PLBD1: variants seen among roughly 807,000 people sequenced by gnomAD.
PLBD1 encodes the protein lysosomal leucine aminopeptidase.
In PLBD1, 60 loss-of-function variants were observed where a neutral mutation model predicts 63.0. The observed-to-expected ratio is 0.95, with a 90% confidence interval of 0.77 to 1.18. The LOEUF is 1.18. PLBD1 is among the 50% of genes most tolerant of loss of function. The pLI, the probability that PLBD1 is intolerant of heterozygous loss-of-function variation, is 0.00. For synonymous variants in PLBD1, 262 were observed against 248.0 expected (o/e 1.06, Z -0.53); for missense variants, 598 against 677.9 (o/e 0.88, Z 1.31).
chr12:14,503,979 T>C, intron 10 of PLBD1, 25 bp from the exon 11 acceptor site: 3 of 1,572,734 alleles, frequency 1.9e-6, no homozygotes, highest in Non-Finnish European at 2.6e-6. Flanking sequence ...GAGGAGGACA[T>C]TTTAGAAAAT....
rs758177456 is a variant in PLBD1 at position 14,511,613 on chromosome 12, C to T, written c.943G>A (p.Val315Ile). 1 of 1,614,088 alleles carries T rather than the reference C, an allele frequency of 6.2e-7. No individual in the cohort carries two copies. The highest frequency in any genetic ancestry group is 1.3e-5 in the African/African-American group (1 of 74,934). Residue 315 changes from valine to isoleucine, a missense_variant, in exon 7 of 11, where the codon GTA (valine) becomes ATA (isoleucine). Val to Ile is a conservative substitution (Grantham distance 29). Transcript: ENST00000240617. The stretch of plus-strand genomic sequence containing the variant: ...CAGGACAGGAGAGTCTCGGGTATTA[C>T]CTGCTTTAGCAGGGTTTTATTAAAC... ...SVFNKTLLKQ[V>I]IPETLLSWQR...
At chr12:14,512,928 G>C (rs1945309806) in intron 6 of PLBD1, among the ~76,000 whole-genome samples, 2 of 152,062 alleles carry the variant, frequency 1.3e-5, no homozygotes, top group Admixed American at 1.3e-4. Flanking sequence ...CTTCATCTTG[G>C]GCTTCCCAGC....
At chr12:14,519,938 T>C (rs1945363201) in intron 6 of PLBD1, among the ~76,000 whole-genome samples, 2 of 152,106 alleles carry the variant, frequency 1.3e-5, no homozygotes, top group Admixed American at 1.3e-4. Context: ...GCTGAGAATT[T>C]AAGAGGAAAA....
intron 5 of PLBD1, among the ~76,000 whole-genome samples, chr12:14,536,278 A>G (rs71459160): frequency 0.25 from 38,400 of 152,154 alleles, 5,543 homozygotes; most frequent in Admixed American, 0.33. Flanking sequence ...CAGCCTGGGC[A>G]ACAAAGTGAG....
rs1200970956 is a variant in PLBD1 at position 14,506,947 on chromosome 12, A to C, written c.1358T>G (p.Ile453Ser). The change falls in exon 9 of 11, where the codon ATC becomes AGC. Residue 453 changes from isoleucine to serine, a missense_variant. Coordinates refer to ENST00000240617, the MANE Select transcript of PLBD1 (RefSeq NM_024829.6). ...KVTDTASMKY[I>S]MRYNNYKKDP... ...ATGCTACGTACTGTTGTATCGCATG[A>C]TATATTTCATGGATGCCGTATCAGT... The C allele has an allele frequency of 6.2e-7, 1 of 1,614,066 alleles. No individual in the cohort carries two copies. The highest frequency in any genetic ancestry group is 1.1e-5 in the South Asian group (1 of 91,068).
At chr12:14,513,554 G>A (rs1270949048) in intron 6 of PLBD1, among the ~76,000 whole-genome samples, 16 of 152,184 alleles carry the variant, frequency 1.1e-4, no homozygotes, top group Non-Finnish European at 2.4e-4. Context: ...CCTGAAACCG[G>A]AGGTAAGAGC....
rs763659244 is a variant in PLBD1, at chr12:14,567,684, C to A, written c.13G>T (p.Gly5Cys). The change falls in exon 1 of 11, where the codon GGT becomes TGT. Residue 5 changes from glycine to cysteine, a missense_variant. Physicochemically the swap from Gly to Cys is radical, Grantham distance 159. Coordinates refer to ENST00000240617, the MANE Select transcript of PLBD1 (RefSeq NM_024829.6). MTRGGPGGRPGLPQP... is the reference protein window; with the variant it reads MTRGCPGGRPGLPQP... ...GGCAGCCCCGGGCGCCCGCCCGGAC[C>A]GCCGCGGGTCATCGCTCCACGGCCG... 347 of 1,462,820 alleles carry A rather than the reference C, an allele frequency of 2.4e-4. No homozygotes were observed. The highest frequency in any genetic ancestry group is 3.0e-4 in the Non-Finnish European group (331 of 1,118,566). The allele number at this position is 1,462,820 out of a possible 1,614,324, so 90.6% of individuals were successfully genotyped here. A position where few individuals can be genotyped will look rare whatever the true frequency, so the allele number is the denominator to read the frequency against.
chr12:14,537,135 A>AT lies in PLBD1; in HGVS notation c.559-426dup, dbSNP rs569848972. 4.2e-3 allele frequency among the ~76,000 whole-genome samples: 636 copies of AT among 152,062 alleles called. 1 individual carries two copies. The highest frequency in any genetic ancestry group is 0.014 in the African/African-American group (593 of 41,474). Reference sequence around the variant, plus strand: ...GTTATTTATTTTCGAAGAGTCTCTAATTTAACAGGTACGCTAGATTTTTAT... The same window carrying AT: ...GTTATTTATTTTCGAAGAGTCTCTAATTTTAACAGGTACGCTAGATTTTTAT... On this transcript the variant is annotated intron_variant, in intron 4 of 10. Coordinates refer to ENST00000240617, the MANE Select transcript of PLBD1 (RefSeq NM_024829.6).
chr12:14,544,729 A>G (rs997275306), intron 2 of PLBD1, among the ~76,000 whole-genome samples: 5 of 152,032 alleles, frequency 3.3e-5, no homozygotes, highest in African/African-American at 1.2e-4. Context: ...GGGTTTGTCT[A>G]TGTATTGAGA....
chr12:14,540,053 T>TACACACACAC (rs1295213414), intron 4 of PLBD1, among the ~76,000 whole-genome samples: 1,881 of 86,910 alleles, frequency 0.022, 59 homozygotes, highest in Non-Finnish European at 0.028. Context: ...TATATATATA[T>TACACACACAC]ACACACACAC....
chr12:14,540,338 TC>T (rs1401116390), intron 4 of PLBD1, among the ~76,000 whole-genome samples: 1 of 151,664 alleles, frequency 6.6e-6, no homozygotes, highest in Non-Finnish European at 1.5e-5. Flanking sequence ...AGTAAAGCTT[TC>T]CCCCAGAATT....
chr12:14,526,594 G>A (rs1002808440), intron 6 of PLBD1, among the ~76,000 whole-genome samples: 3 of 152,188 alleles, frequency 2.0e-5, no homozygotes, highest in African/African-American at 7.2e-5. Flanking sequence ...CTGTATGTAT[G>A]CATTGGTAAT....
chr12:14,567,472 A>G, intron 1 of PLBD1, 110 bp downstream of exon 1: 3 of 1,355,940 alleles, frequency 2.2e-6, no homozygotes, highest in Middle Eastern at 2.7e-4. Context: ...GAGTTCACCC[A>G]GGAACCAGAC....
chr12:14,567,830 T>C lies in PLBD1; in HGVS notation c.-134A>G, dbSNP rs1945808069. The C allele has an allele frequency of 8.1e-7, 1 of 1,232,428 alleles. No individual in the cohort carries two copies. The highest frequency in any genetic ancestry group is 3.2e-5 in the East Asian group (1 of 31,256). 76.3% of individuals were successfully genotyped at this position (1,232,428 alleles called of 1,614,324 possible). A position where few individuals can be genotyped will look rare whatever the true frequency, so the allele number is the denominator to read the frequency against. The stretch of plus-strand genomic sequence containing the variant: ...AGGTGGGGCGTCCTCAACTTTCCTC[T>C]TTCTTGAGCCCGGCCTGCTCCGGGC... On this transcript the variant is annotated 5_prime_UTR_variant, in exon 1 of 11. Coordinates refer to ENST00000240617, the MANE Select transcript of PLBD1 (RefSeq NM_024829.6).
intron 10 of PLBD1, among the ~76,000 whole-genome samples, chr12:14,504,787 A>G (rs1479297037): frequency 6.6e-6 from 1 of 152,242 alleles, no homozygotes; most frequent in African/African-American, 2.4e-5. Context: ...TCTTAATCTT[A>G]GAGGGGAAAG....
At chr12:14,515,673 T>C (rs1945331253) in intron 6 of PLBD1, among the ~76,000 whole-genome samples, 1 of 152,104 alleles carries the variant, frequency 6.6e-6, no homozygotes, top group Admixed American at 6.5e-5. Flanking sequence ...AATAGGCAAT[T>C]TTATAGATTA....
At chr12:14,540,014 A>AAT (rs1565577488) in intron 4 of PLBD1, among the ~76,000 whole-genome samples, 2,462 of 95,928 alleles carry the variant, frequency 0.026, 207 homozygotes, top group East Asian at 0.057. Flanking sequence ...AGCTATGCAC[A>AAT]TATATATATA....
intron 2 of PLBD1, among the ~76,000 whole-genome samples, chr12:14,545,192 C>T (rs536056336): frequency 1.4e-4 from 21 of 152,328 alleles, no homozygotes; most frequent in African/African-American, 5.0e-4. Flanking sequence ...CCCCACCCCA[C>T]ACCCCCAAGC....
chr12:14,555,409 C>T (rs773242398), intron 1 of PLBD1, among the ~76,000 whole-genome samples: 15 of 151,992 alleles, frequency 9.9e-5, no homozygotes, highest in East Asian at 1.9e-4. Context: ...TGGTGGTGTG[C>T]GCCTGTAATC....
Sources: allele counts gnomAD v4.1 joint callset (sites outside exome capture counted in the v4.1 genomes callset), GRCh38; gene constraint gnomAD v4.1.1; transcripts MANE v1.5; gene names NCBI Gene and HGNC (gene_info 2026-07-23, HGNC 2026-07-21).